The following TRAPPC10 variants were observed in gnomAD, a reference collection of about 807,000 sequenced individuals.
The protein encoded by TRAPPC10 is TRAPP 130 kDa subunit.
In TRAPPC10, 23 loss-of-function variants were observed where a neutral mutation model predicts 125.5. The observed-to-expected ratio is 0.18, with a 90% CI of 0.13 to 0.26. TRAPPC10 has a LOEUF of 0.26. Among genes scored for constraint, TRAPPC10 ranks in the 10% least tolerant of loss-of-function variants. The probability of loss-of-function intolerance (pLI) is 1.00; values close to 1 mark genes in which losing one functional copy is unlikely to be tolerated. For missense variants in TRAPPC10, 1,123 were observed against 1,308.4 expected (o/e 0.86, Z 2.19); for synonymous variants, 509 against 518.0 (o/e 0.98, Z 0.24).
At chr21:44,075,636 C>T (rs975603970) in intron 9 of TRAPPC10, among the ~76,000 whole-genome samples, 1 of 148,252 alleles carries the variant, frequency 6.7e-6, no homozygotes, top group African/African-American at 2.7e-5. Flanking sequence ...CAGGTGTGTG[C>T]TACCATACTT....
chr21:44,089,850 G>T lies in TRAPPC10; in HGVS notation c.2787G>T (p.Pro929=), dbSNP rs141026723. The change falls in exon 18 of 23, where the codon CCG becomes CCT. Residue 929 remains proline (P), a synonymous_variant. Coordinates refer to ENST00000291574, the MANE Select transcript of TRAPPC10 (RefSeq NM_003274.5). ...CTCCTCAGGTGTCGATTGACTGCCCGTGGTCCATCTACTCCACAGTCATCG... is the reference window on the plus strand; with the variant it reads ...CTCCTCAGGTGTCGATTGACTGCCCTTGGTCCATCTACTCCACAGTCATCG... ...TTDHKVSIDC[P]WSIYSTVIAL... The T allele has an allele frequency of 3.7e-4, 592 of 1,613,660 alleles. No individual in the cohort carries two copies. The highest frequency in any genetic ancestry group is 4.7e-4 in the Non-Finnish European group (557 of 1,179,784).
intron 3 of TRAPPC10, among the ~76,000 whole-genome samples, chr21:44,051,760 G>A (rs1203476664): frequency 1.3e-5 from 2 of 152,252 alleles, no homozygotes; most frequent in Admixed American, 1.3e-4. Context: ...CGGTTGGGGT[G>A]GTTCCCAGGG....
At chr21:44,041,334 A>G (rs1415278925) in intron 3 of TRAPPC10, among the ~76,000 whole-genome samples, 2 of 151,774 alleles carry the variant, frequency 1.3e-5, no homozygotes, top group Admixed American at 1.3e-4. Context: ...ATTTCGGTTA[A>G]GTTGTAAAAC....
Position 44,012,354 on chromosome 21 carries a change from G to C in TRAPPC10, c.-140G>C. On this transcript the variant is annotated 5_prime_UTR_variant, in exon 1 of 23. Coordinates refer to ENST00000291574, the MANE Select transcript of TRAPPC10 (RefSeq NM_003274.5). ...CTGAGGCCGGCAGCAGCGGGCGGCAGCTGCGGCGCAACCGGCTCCGGAGCT... is the reference window on the plus strand; with the variant it reads ...CTGAGGCCGGCAGCAGCGGGCGGCACCTGCGGCGCAACCGGCTCCGGAGCT... The C allele has an allele frequency of 3.6e-6, 1 of 279,492 alleles. No individual in the cohort carries two copies. The highest frequency in any genetic ancestry group is 5.4e-6 in the Non-Finnish European group (1 of 184,964). The allele number at this position is 279,492 out of a possible 1,614,324, so 17.3% of individuals were successfully genotyped here.
At chr21:44,091,841 A>G in intron 18 of TRAPPC10, 82 bp from the exon 19 acceptor site, 1 of 1,348,392 alleles carries the variant, frequency 7.4e-7, no homozygotes, top group African/African-American at 1.5e-5. Flanking sequence ...CCCCAGGCAG[A>G]GAGGGTCTCC....
Position 44,013,793 on chromosome 21 carries a change from A to G in TRAPPC10, c.67+1233A>G, listed in dbSNP as rs73226982. On this transcript the variant is annotated intron_variant, in intron 1 of 22. Coordinates refer to ENST00000291574, the MANE Select transcript of TRAPPC10 (RefSeq NM_003274.5). ...TTCTTAGGGAAGTGGACTGTGTCTC[A>G]TTTAAAATTGGAGACTTGCATAGTT... Among the ~76,000 whole-genome samples, 697 of 152,176 alleles carry G rather than the reference A, an allele frequency of 4.6e-3. 4 individuals are homozygous for G. Among genetic ancestry groups the G allele is most frequent in the Non-Finnish European group, 7.5e-3 (512 of 68,010 alleles).
At chr21:44,020,146 A>T (rs1351725696) in intron 1 of TRAPPC10, among the ~76,000 whole-genome samples, 2 of 145,942 alleles carry the variant, frequency 1.4e-5, no homozygotes, top group African/African-American at 5.1e-5. Flanking sequence ...TTTGAGACAG[A>T]GTCTCGCTCT....
chr21:44,066,224 G>C (rs201788146), intron 7 of TRAPPC10, among the ~76,000 whole-genome samples: 5 of 152,300 alleles, frequency 3.3e-5, no homozygotes, highest in East Asian at 3.9e-4. Flanking sequence ...TATTTAAAGA[G>C]AATAGGAGGC....
chr21:44,061,244 C>G (rs1353760084), intron 6 of TRAPPC10, among the ~76,000 whole-genome samples: 3 of 152,166 alleles, frequency 2.0e-5, no homozygotes, highest in East Asian at 1.9e-4. Flanking sequence ...TCACGCCATT[C>G]TCCTGCCTCA....
intron 2 of TRAPPC10, among the ~76,000 whole-genome samples, chr21:44,035,237 C>G (rs982704286): frequency 2.5e-4 from 38 of 152,316 alleles, no homozygotes; most frequent in African/African-American, 8.7e-4. Flanking sequence ...TGGCTCTTGC[C>G]CTGTCACCAT....
rs11405094 is a variant in TRAPPC10, at chr21:44,015,610, A to ATT, written c.67+3065_67+3066dup. On this transcript the variant is annotated intron_variant, in intron 1 of 22. Transcript: ENST00000291574. Reference sequence around the variant, plus strand: ...TTAATAATATTTTGAAGCTCTCCAAATTTTTTTTTTTTTTTTCTGTCTGAG... The same window carrying ATT: ...TTAATAATATTTTGAAGCTCTCCAAATTTTTTTTTTTTTTTTTTCTGTCTGAG... Among the ~76,000 whole-genome samples, 236 of 140,454 alleles carry ATT rather than the reference A, an allele frequency of 1.7e-3. 1 individual carries two copies. The highest frequency in any genetic ancestry group is 4.9e-3 in the African/African-American group (186 of 37,970). The allele number at this position is 140,454 out of a possible 152,430, so 92.1% of individuals were successfully genotyped here. A position where few individuals can be genotyped will look rare whatever the true frequency, so the allele number is the denominator to read the frequency against.
chr21:44,049,524 TA>T (rs1230902743), intron 3 of TRAPPC10, among the ~76,000 whole-genome samples: 1 of 152,214 alleles, frequency 6.6e-6, no homozygotes, highest in Admixed American at 6.5e-5. Context: ...TTAAATTGAA[TA>T]AAAAGGCATC....
At chr21:44,054,209 G>A (rs910786689) in intron 4 of TRAPPC10, among the ~76,000 whole-genome samples, 4 of 152,294 alleles carry the variant, frequency 2.6e-5, no homozygotes, top group South Asian at 4.1e-4. Flanking sequence ...TGGAGTGAGC[G>A]GCTCTGGTCC....
intron 7 of TRAPPC10, among the ~76,000 whole-genome samples, chr21:44,072,882 T>C (rs1427177147): frequency 6.6e-6 from 1 of 152,146 alleles, no homozygotes; most frequent in Non-Finnish European, 1.5e-5. Context: ...GTATCCCAGA[T>C]CTCCTGGCAC....
At chr21:44,045,851 G>A (rs532526657) in intron 3 of TRAPPC10, among the ~76,000 whole-genome samples, 1 of 151,886 alleles carries the variant, frequency 6.6e-6, no homozygotes, top group Non-Finnish European at 1.5e-5. Flanking sequence ...CCACCGCACC[G>A]GGCCAAGATT....
chr21:44,031,228 A>G (rs926943377), intron 1 of TRAPPC10, among the ~76,000 whole-genome samples: 5 of 152,180 alleles, frequency 3.3e-5, no homozygotes, highest in Non-Finnish European at 5.9e-5. Flanking sequence ...TCAATTCCCA[A>G]TGATTTCTTA....
At chr21:44,046,367 C>A in intron 3 of TRAPPC10, 1 of 274,610 alleles carries the variant, frequency 3.6e-6, no homozygotes, top group South Asian at 5.0e-5. Flanking sequence ...CGCTGTTGTC[C>A]CTTCTTCCCA....
chr21:44,012,629 G>C (rs1431047552), intron 1 of TRAPPC10, 69 bp downstream of exon 1: 11 of 1,382,742 alleles, frequency 8.0e-6, no homozygotes, highest in African/African-American at 1.5e-5. Flanking sequence ...TTATGCACCC[G>C]GCGCCCCCAG....
chr21:44,019,484 C>T (rs955339776), intron 1 of TRAPPC10, among the ~76,000 whole-genome samples: 2 of 152,190 alleles, frequency 1.3e-5, no homozygotes, highest in Non-Finnish European at 2.9e-5. Flanking sequence ...TCTATCTGCT[C>T]TTAATGTCAA....
Sources: allele counts gnomAD v4.1 joint callset (sites outside exome capture counted in the v4.1 genomes callset), GRCh38; gene constraint gnomAD v4.1.1; transcripts MANE v1.5; gene names NCBI Gene and HGNC (gene_info 2026-07-23, HGNC 2026-07-21).